The following BRD10 variants were observed in gnomAD, a reference collection of about 807,000 sequenced individuals.
The protein encoded by BRD10 is bromodomain containing 10, also known as uncharacterized bromodomain-containing protein 10.
At chr9:5,880,849 C>T in the BRD10 span, among the ~76,000 whole-genome samples, 10 of 152,004 alleles carry the variant, frequency 6.6e-5, no homozygotes, top group Non-Finnish European at 1.3e-4. Flanking sequence ...GGATTACAGG[C>T]GTGCGCCACC....
chr9:5,891,457 T>C, the BRD10 span, among the ~76,000 whole-genome samples: 2 of 152,208 alleles, frequency 1.3e-5, no homozygotes, highest in East Asian at 1.9e-4. Flanking sequence ...ACACATAAAA[T>C]GTCCCAGTGG....
the BRD10 span, chr9:5,968,224 T>C: frequency 5.0e-6 from 8 of 1,612,852 alleles, no homozygotes; most frequent in African/African-American, 6.7e-5. Context: ...TGTGGCTCTG[T>C]AGTGACTGCT....
the BRD10 span, among the ~76,000 whole-genome samples, chr9:5,940,819 T>A: frequency 5.7e-4 from 87 of 152,280 alleles, no homozygotes; most frequent in African/African-American, 2.1e-3. Flanking sequence ...TAGAAATAAA[T>A]AAAATCTTAG....
chr9:5,882,557 A>T, the BRD10 span, among the ~76,000 whole-genome samples: 9 of 152,216 alleles, frequency 5.9e-5, no homozygotes, highest in Admixed American at 1.3e-4. Context: ...AACCTTACAC[A>T]AAAAATACTG....
the BRD10 span, among the ~76,000 whole-genome samples, chr9:5,958,505 C>T: frequency 1.3e-5 from 2 of 152,184 alleles, no homozygotes; most frequent in Non-Finnish European, 2.9e-5. Context: ...TGTGGTGGTG[C>T]ATGCCTGTGA....
At chr9:5,884,766 C>T in the BRD10 span, among the ~76,000 whole-genome samples, 1 of 152,172 alleles carries the variant, frequency 6.6e-6, no homozygotes, top group East Asian at 1.9e-4. Flanking sequence ...CATTTTAATC[C>T]GTTCCTGTAA....
chr9:5,887,003 A>T, the BRD10 span, among the ~76,000 whole-genome samples: 78 of 152,206 alleles, frequency 5.1e-4, no homozygotes, highest in Non-Finnish European at 9.3e-4. Context: ...TCGCGTCTGT[A>T]ATCCCAGCAC....
At chr9:5,932,739 C>T in the BRD10 span, among the ~76,000 whole-genome samples, 2 of 152,252 alleles carry the variant, frequency 1.3e-5, no homozygotes, top group African/African-American at 4.8e-5. Flanking sequence ...GAATTCTACA[C>T]TCTAAATACT....
At chr9:5,939,214 A>G in the BRD10 span, among the ~76,000 whole-genome samples, 3 of 152,096 alleles carry the variant, frequency 2.0e-5, no homozygotes, top group Non-Finnish European at 2.9e-5. Flanking sequence ...ACCACTTATT[A>G]CACGTAGTTT....
At chr9:5,898,346 C>T in the BRD10 span, among the ~76,000 whole-genome samples, 1 of 152,206 alleles carries the variant, frequency 6.6e-6, no homozygotes, top group Non-Finnish European at 1.5e-5. Context: ...CCACATATGG[C>T]CCAAACTCAC....
At chr9:5,920,046 G>C in the BRD10 span, 102 of 1,613,858 alleles carry the variant, frequency 6.3e-5, no homozygotes, top group Non-Finnish European at 4.2e-5. Flanking sequence ...TTTATGAGTT[G>C]TGGTGATGTA....
the BRD10 span, among the ~76,000 whole-genome samples, chr9:5,972,571 T>C: frequency 1.3e-5 from 2 of 152,138 alleles, no homozygotes; most frequent in East Asian, 1.9e-4. Context: ...ACTCTACTGG[T>C]TGTCACAAGA....
chr9:5,988,707 C>T, the BRD10 span, among the ~76,000 whole-genome samples: 1 of 151,908 alleles, frequency 6.6e-6, no homozygotes, highest in East Asian at 1.9e-4. Context: ...CACAATTTCT[C>T]ATACTCCTTA....
chr9:5,914,281 C>A, the BRD10 span, among the ~76,000 whole-genome samples: 2 of 152,028 alleles, frequency 1.3e-5, no homozygotes, highest in Admixed American at 1.3e-4. Context: ...TGGAGGACAC[C>A]TGACCGTGTT....
the BRD10 span, among the ~76,000 whole-genome samples, chr9:5,913,285 T>G: frequency 6.6e-6 from 1 of 152,220 alleles, no homozygotes; most frequent in Non-Finnish European, 1.5e-5. Flanking sequence ...GGTTCACTTG[T>G]CACTTGAGAA....
At chr9:5,926,254 T>C in the BRD10 span, among the ~76,000 whole-genome samples, 38 of 152,284 alleles carry the variant, frequency 2.5e-4, no homozygotes, top group South Asian at 7.9e-3. Context: ...TTCTTATTTG[T>C]GCACATTAGA....
At chr9:5,926,409 G>C in the BRD10 span, among the ~76,000 whole-genome samples, 2 of 152,252 alleles carry the variant, frequency 1.3e-5, no homozygotes, top group East Asian at 3.9e-4. Context: ...CCAGGATCAA[G>C]CAATGCACCC....
the BRD10 span, among the ~76,000 whole-genome samples, chr9:5,973,733 C>A: frequency 4.6e-5 from 7 of 151,694 alleles, no homozygotes; most frequent in Non-Finnish European, 1.0e-4. Flanking sequence ...TTAAAAAAAA[C>A]GGGCCTGGTG....
chr9:6,002,272 A>T, the BRD10 span, among the ~76,000 whole-genome samples: 2 of 152,222 alleles, frequency 1.3e-5, no homozygotes, highest in African/African-American at 2.4e-5. Context: ...CTGTTACTGC[A>T]CTTAAAACAT....
Sources: gnomAD v4.1 joint callset for allele counts (sites outside exome capture counted in the v4.1 genomes callset) on GRCh38, gnomAD v4.1.1 for gene constraint, MANE v1.5 for transcripts, NCBI Gene and HGNC (gene_info 2026-07-23, HGNC 2026-07-21) for gene names.